GNAL: variants seen among roughly 807,000 people sequenced by gnomAD.
The protein encoded by GNAL is guanine nucleotide-binding protein G(olf) subunit alpha.
A neutral mutation model predicts 55.1 loss-of-function variants in GNAL; 18 were observed. That is an observed-to-expected ratio of 0.33 (90% CI 0.23 to 0.48). The LOEUF (loss-of-function observed/expected upper bound fraction) is 0.48, where lower values mean the gene tolerates loss of function less well. Among genes scored for constraint, GNAL ranks in the 20% least tolerant of loss-of-function variants. The pLI, the probability that GNAL is intolerant of heterozygous loss-of-function variation, is 0.99. For missense variants in GNAL, 412 were observed against 614.1 expected, an observed-to-expected ratio of 0.67 and a Z score of 3.48; for synonymous variants, 253 against 237.0, an observed-to-expected ratio of 1.07 and a Z score of -0.62.
At chr18:11,767,175 G>C (rs2033432704) in intron 4 of GNAL, among the ~76,000 whole-genome samples, 1 of 151,876 alleles carries the variant, frequency 6.6e-6, no homozygotes, top group Non-Finnish European at 1.5e-5. Flanking sequence ...TTGCACACTT[G>C]CTCTCTGTGT....
chr18:11,752,914 G>A lies in GNAL; in HGVS notation c.438G>A (p.Gly146=). 2 of 1,595,236 alleles carry A rather than the reference G, an allele frequency of 1.3e-6. No homozygotes were observed. The highest frequency in any genetic ancestry group is 1.7e-6 in the Non-Finnish European group (2 of 1,162,938). The change falls in exon 2 of 12, where the codon GGG becomes GGA. Residue 146 remains glycine (G), a synonymous_variant. Coordinates refer to ENST00000334049, the MANE Select transcript of GNAL (RefSeq NM_182978.4). This position sits in a 1 kb window ranked among gnomAD's most constrained non-coding sequence, Gnocchi z 4.5. ...VKQMRILHVN[G]FNPEEKKQKI... ...AGATGAGGATCCTGCACGTCAATGGGTTTAATCCCGAGTAAGAATGTTCAG... is the reference window on the plus strand; with the variant it reads ...AGATGAGGATCCTGCACGTCAATGGATTTAATCCCGAGTAAGAATGTTCAG...
Position 11,881,122 on chromosome 18 carries a change from A to T in GNAL, c.1364A>T (p.Tyr455Phe), listed in dbSNP as rs762600344. The change falls in exon 12 of 12, where the codon TAT (tyrosine) becomes TTT (phenylalanine). Residue 455 changes from tyrosine to phenylalanine, a missense_variant. Tyr to Phe is a conservative substitution (Grantham distance 22, BLOSUM62 3). Transcript: ENST00000334049. This position sits in a 1 kb window ranked among gnomAD's most constrained non-coding sequence, Gnocchi z 4.8. ...ATCCAGCGGATGCACCTCAAGCAGT[A>T]TGAGCTCTTGTGAGGATGCTGCCGC... ...DIIQRMHLKQ[Y>F]ELL 1 of 1,610,034 alleles carries T rather than the reference A, an allele frequency of 6.2e-7. No homozygotes were observed. Among genetic ancestry groups the T allele is most frequent in the East Asian group, 2.2e-5 (1 of 44,700 alleles).
intron 4 of GNAL, among the ~76,000 whole-genome samples, chr18:11,760,703 A>C (rs2033211309): frequency 6.6e-6 from 1 of 152,094 alleles, no homozygotes; most frequent in Non-Finnish European, 1.5e-5. Flanking sequence ...GAGCCCCTGC[A>C]GGGGGACACA....
chr18:11,827,532 G>A (rs112088505), intron 5 of GNAL, among the ~76,000 whole-genome samples: 2,539 of 152,174 alleles, frequency 0.017, 68 homozygotes, highest in African/African-American at 0.055. Flanking sequence ...AGAATCGCTC[G>A]AACTTGGGAG....
intron 5 of GNAL, among the ~76,000 whole-genome samples, chr18:11,849,862 G>A (rs1598426615): frequency 1.3e-5 from 2 of 152,356 alleles, no homozygotes; most frequent in Middle Eastern, 3.4e-3. Flanking sequence ...AGTGGCTGCT[G>A]TGTGCAGAGC....
chr18:11,769,796 C>T (rs1013910596), intron 4 of GNAL, among the ~76,000 whole-genome samples: 1 of 152,120 alleles, frequency 6.6e-6, no homozygotes, highest in Non-Finnish European at 1.5e-5. Context: ...ATCCTTACTA[C>T]AATCTTGCTT....
chr18:11,840,875 CTTT>C (rs112505457), intron 5 of GNAL, among the ~76,000 whole-genome samples: 4 of 137,012 alleles, frequency 2.9e-5, no homozygotes, highest in Admixed American at 7.3e-5. Flanking sequence ...TTTTTCTTTT[CTTT>C]TTTTTTTTTT....
intron 5 of GNAL, among the ~76,000 whole-genome samples, chr18:11,827,927 C>A (rs1185835154): frequency 1.3e-5 from 2 of 149,766 alleles, no homozygotes; most frequent in Admixed American, 6.7e-5. Flanking sequence ...GCCGAGATCG[C>A]GCCACTGCAC....
rs531486873 is a variant in GNAL at position 11,883,486 on chromosome 18, AATTAT to A, written c.*2352_*2356del. The A allele has an allele frequency of 1.0e-4, 16 of 153,714 alleles. No homozygotes were observed. In the East Asian group the frequency reaches 3.1e-3, roughly 30 times the overall value. The allele number at this position is 153,714 out of a possible 1,614,324, so 9.5% of individuals were successfully genotyped here. Reference sequence around the variant, plus strand: ...AAAGAATAACTTTTATCTGGCTTACAATTATTAAAGCATTTATTTTCAGGTACCAA... The same window carrying A: ...AAAGAATAACTTTTATCTGGCTTACATAAAGCATTTATTTTCAGGTACCAA... On this transcript the variant is annotated 3_prime_UTR_variant, in exon 12 of 12. Coordinates refer to ENST00000334049, the MANE Select transcript of GNAL (RefSeq NM_182978.4).
rs1387072098 is a variant in GNAL, at chr18:11,884,370, T to C, written c.*3235T>C. On this transcript the variant is annotated 3_prime_UTR_variant, in exon 12 of 12. Coordinates refer to ENST00000334049, the MANE Select transcript of GNAL (RefSeq NM_182978.4). ...AGACGGCCTGTAATTGGTCTCATCA[T>C]CCACTTGATTCTAACATGATCTCTG... The C allele has an allele frequency of 6.9e-6, 10 of 1,443,776 alleles. No homozygotes were observed. In the Admixed American group the frequency reaches 1.5e-4, roughly 21 times the overall value. The allele number at this position is 1,443,776 out of a possible 1,614,324, so 89.4% of individuals were successfully genotyped here.
chr18:11,781,270 C>A (rs527946469), intron 4 of GNAL, among the ~76,000 whole-genome samples: 2 of 152,300 alleles, frequency 1.3e-5, no homozygotes, highest in South Asian at 4.1e-4. Flanking sequence ...AAACACCTAA[C>A]CATTAAACTA....
chr18:11,820,252 C>T (rs181559965), intron 4 of GNAL, among the ~76,000 whole-genome samples: 23 of 152,230 alleles, frequency 1.5e-4, no homozygotes, highest in Admixed American at 1.0e-3. Flanking sequence ...TCTCAGTTGC[C>T]TTCAGCTCAA....
At chr18:11,697,519 T>C (rs1423598493) in intron 1 of GNAL, among the ~76,000 whole-genome samples, 2 of 150,718 alleles carry the variant, frequency 1.3e-5, no homozygotes, top group Non-Finnish European at 3.0e-5. Context: ...GATCGTGCCA[T>C]TGCACTCCAG....
chr18:11,730,774 A>T (rs1198967105), intron 1 of GNAL, among the ~76,000 whole-genome samples: 2 of 152,128 alleles, frequency 1.3e-5, no homozygotes, highest in Non-Finnish European at 2.9e-5. Flanking sequence ...AAAAAGGAAA[A>T]AAAATAAAAT....
At chr18:11,765,906 G>A (rs2033391803) in intron 4 of GNAL, among the ~76,000 whole-genome samples, 1 of 152,196 alleles carries the variant, frequency 6.6e-6, no homozygotes, top group Non-Finnish European at 1.5e-5. Flanking sequence ...GAATGTATTG[G>A]AAGTTTGTTG....
At chr18:11,695,839 G>T (rs1300954255) in intron 1 of GNAL, among the ~76,000 whole-genome samples, 3 of 152,014 alleles carry the variant, frequency 2.0e-5, no homozygotes, top group African/African-American at 7.2e-5. Context: ...GTATCAAAAT[G>T]CTGGCATGAT....
At chr18:11,844,736 A>G (rs1016865865) in intron 5 of GNAL, among the ~76,000 whole-genome samples, 1 of 152,200 alleles carries the variant, frequency 6.6e-6, no homozygotes, top group African/African-American at 2.4e-5. Context: ...ACTTCTCACA[A>G]TCTGTTCCCA....
At chr18:11,762,529 G>A (rs775709240) in intron 4 of GNAL, among the ~76,000 whole-genome samples, 8 of 152,200 alleles carry the variant, frequency 5.3e-5, no homozygotes, top group East Asian at 1.9e-4. Flanking sequence ...TGCAGCTGGC[G>A]TCACACTGAG....
chr18:11,725,884 T>C (rs372509086), intron 1 of GNAL, among the ~76,000 whole-genome samples: 1 of 152,210 alleles, frequency 6.6e-6, no homozygotes, highest in East Asian at 1.9e-4. Flanking sequence ...ACATTTTGCA[T>C]TCCCACCAGC....
Sources: allele counts gnomAD v4.1 joint callset (sites outside exome capture counted in the v4.1 genomes callset), GRCh38; gene constraint gnomAD v4.1.1; non-coding constraint Gnocchi (gnomAD v3.1); transcripts MANE v1.5; gene names NCBI Gene and HGNC (gene_info 2026-07-23, HGNC 2026-07-21).